Variants in STON1 observed in about 807,000 individuals in gnomAD.
STON1 encodes stonin 1.
STON1 carries 79 observed loss-of-function variants against 60.9 expected under a neutral mutation model. The ratio of observed to expected loss-of-function variants is 1.30; its 90% CI spans 1.08 to 1.56. The LOEUF (loss-of-function observed/expected upper bound fraction) is 1.56, where lower values mean the gene tolerates loss of function less well. Ranked by LOEUF, STON1 falls within the 40% of genes most tolerant of loss-of-function variation. The pLI is 0.00. For missense variants in STON1, 1,166 were observed against 858.9 expected, an observed-to-expected ratio of 1.36 and a Z score of -4.47; for synonymous variants, 363 against 306.9, an observed-to-expected ratio of 1.18 and a Z score of -1.91.
At chr2:48,543,117 G>A (rs1384913295) in intron 1 of STON1, among the ~76,000 whole-genome samples, 1 of 151,838 alleles carries the variant, frequency 6.6e-6, no homozygotes, top group Non-Finnish European at 1.5e-5. Context: ...TGGGATTACA[G>A]GCACCTGCTA....
intron 1 of STON1, chr2:48,531,114 C>T (rs1431790590): frequency 6.6e-6 from 1 of 152,184 alleles, no homozygotes; most frequent in African/African-American, 2.4e-5. Context: ...CCACACTCGA[C>T]TGTTTTCCTG....
intron 2 of STON1, among the ~76,000 whole-genome samples, chr2:48,588,372 G>C (rs545091546): frequency 1.3e-5 from 2 of 152,038 alleles, no homozygotes; most frequent in African/African-American, 2.4e-5. Context: ...AAGATACTTC[G>C]AAAATGGAAA....
intron 1 of STON1, among the ~76,000 whole-genome samples, chr2:48,572,632 A>G (rs942685736): frequency 6.6e-6 from 1 of 152,204 alleles, no homozygotes; most frequent in Non-Finnish European, 1.5e-5. Context: ...TACAAGGAAA[A>G]CTGATGAGGT....
chr2:48,573,159 G>A (rs1020043684), intron 1 of STON1, among the ~76,000 whole-genome samples: 4 of 152,162 alleles, frequency 2.6e-5, no homozygotes, highest in East Asian at 1.9e-4. Flanking sequence ...CCTTTCCCAC[G>A]GGCATGATTC....
intron 1 of STON1, among the ~76,000 whole-genome samples, chr2:48,550,671 A>C (rs1322937281): frequency 6.6e-6 from 1 of 151,354 alleles, no homozygotes; most frequent in African/African-American, 2.4e-5. Context: ...TGAATTAGGA[A>C]ACTGAGGCTC....
intron 1 of STON1, among the ~76,000 whole-genome samples, chr2:48,536,508 A>G (rs904774141): frequency 3.4e-5 from 5 of 149,006 alleles, no homozygotes; most frequent in African/African-American, 1.2e-4. Context: ...AGATCGTGCC[A>G]TTGCACTCCA....
rs553481616 is a variant in STON1, at chr2:48,576,451, A to G, written c.-47-4136A>G. On this transcript the variant is annotated intron_variant, in intron 1 of 3. Coordinates refer to ENST00000404752, the MANE Select transcript of STON1 (RefSeq NM_006873.4). ...GTGATCCTCCCGCCTCGGCTTTCCA[A>G]AGTGCTGGGATTATAGGTGTGAGCC... Among the ~76,000 whole-genome samples, 33 of 150,712 alleles carry G rather than the reference A, an allele frequency of 2.2e-4. No homozygotes were observed. In the South Asian group the frequency reaches 6.7e-3, roughly 31 times the overall value.
intron 2 of STON1, among the ~76,000 whole-genome samples, chr2:48,583,348 C>CA (rs1674009954): frequency 6.6e-6 from 1 of 152,178 alleles, no homozygotes; most frequent in African/African-American, 2.4e-5. Flanking sequence ...ATTGGCCTCC[C>CA]AAAATGCTAG....
chr2:48,537,307 C>T (rs1359509428), intron 1 of STON1, among the ~76,000 whole-genome samples: 1 of 152,096 alleles, frequency 6.6e-6, no homozygotes, highest in African/African-American at 2.4e-5. Flanking sequence ...TATTTTTTAA[C>T]AAGGTAAAAA....
chr2:48,576,290 A>G (rs1292781993), intron 1 of STON1, among the ~76,000 whole-genome samples: 2 of 135,750 alleles, frequency 1.5e-5, no homozygotes, highest in Admixed American at 8.5e-5. Flanking sequence ...CTTGGGTTCA[A>G]GTGATTCTCA....
At chr2:48,560,850 C>A (rs1399324039) in intron 1 of STON1, among the ~76,000 whole-genome samples, 1 of 152,152 alleles carries the variant, frequency 6.6e-6, no homozygotes, top group Non-Finnish European at 1.5e-5. Flanking sequence ...GGCAGCCTAG[C>A]CTCCTTGAAA....
intron 1 of STON1, among the ~76,000 whole-genome samples, chr2:48,565,995 A>G (rs893933765): frequency 7.2e-5 from 11 of 152,120 alleles, no homozygotes; most frequent in African/African-American, 9.7e-5. Flanking sequence ...TGTAATGACC[A>G]TTTTCTGGGA....
chr2:48,577,406 C>T (rs1673578333), intron 1 of STON1, among the ~76,000 whole-genome samples: 1 of 151,794 alleles, frequency 6.6e-6, no homozygotes, highest in African/African-American at 2.4e-5. Context: ...CGTAGGGAAA[C>T]CCCATCTCTA....
In STON1 at chr2:48,595,219, G is replaced by A; in HGVS notation, c.2134-9G>A. The A allele has an allele frequency of 1.2e-6, 2 of 1,612,382 alleles. No individual in the cohort carries two copies. The highest frequency in any genetic ancestry group is 8.5e-7 in the Non-Finnish European group (1 of 1,178,562). On this transcript the variant is annotated splice_polypyrimidine_tract_variant and intron_variant, in intron 3 of 3. Coordinates refer to ENST00000404752, the MANE Select transcript of STON1 (RefSeq NM_006873.4). ...TTAATGCTGCCTGTGTTTTGCTTTTGCATAACAGGTTGAAATAGAAAAGAA... is the reference window on the plus strand; with the variant it reads ...TTAATGCTGCCTGTGTTTTGCTTTTACATAACAGGTTGAAATAGAAAAGAA...
At chr2:48,591,562 A>T (rs1674513401) in intron 2 of STON1, 91 bp from the exon 3 acceptor site, 1 of 1,512,758 alleles carries the variant, frequency 6.6e-7, no homozygotes, top group Middle Eastern at 2.5e-4. Flanking sequence ...GAAATTCCTT[A>T]TTAAGGAGAG....
intron 1 of STON1, among the ~76,000 whole-genome samples, chr2:48,564,460 T>C (rs1336155796): frequency 7.8e-4 from 43 of 54,960 alleles, no homozygotes; most frequent in African/African-American, 2.6e-3. Context: ...TTCTTCTTCT[T>C]CTTCTTCTTC....
At chr2:48,539,874 C>G (rs1671587128) in intron 1 of STON1, among the ~76,000 whole-genome samples, 1 of 152,040 alleles carries the variant, frequency 6.6e-6, no homozygotes, top group African/African-American at 2.4e-5. Flanking sequence ...TGGCTGTTTT[C>G]TCAGGTTAGT....
intron 1 of STON1, among the ~76,000 whole-genome samples, chr2:48,533,790 A>G (rs1671314844): frequency 1.5e-5 from 2 of 132,882 alleles, no homozygotes; most frequent in African/African-American, 2.8e-5. Flanking sequence ...TTTTTTTGAG[A>G]CAAAGTTTTG....
At chr2:48,587,511 T>G (rs562363707) in intron 2 of STON1, among the ~76,000 whole-genome samples, 2 of 152,144 alleles carry the variant, frequency 1.3e-5, no homozygotes, top group Non-Finnish European at 2.9e-5. Context: ...CAGGCTGGTC[T>G]CAAACTCCTG....
Sources: allele counts gnomAD v4.1 joint callset (sites outside exome capture counted in the v4.1 genomes callset), GRCh38; gene constraint gnomAD v4.1.1; transcripts MANE v1.5; gene names NCBI Gene and HGNC (gene_info 2026-07-23, HGNC 2026-07-21).